The following ARPP21 variants were observed in gnomAD, a reference collection of about 807,000 sequenced individuals.
ARPP21 encodes the protein cAMP-regulated phosphoprotein 21.
In ARPP21, 69 loss-of-function variants were observed where a neutral mutation model predicts 113.2. The observed-to-expected ratio is 0.61, with a 90% CI of 0.50 to 0.74. The LOEUF (loss-of-function observed/expected upper bound fraction) is 0.74. Ranked by LOEUF, ARPP21 falls within the 30% of genes least tolerant of loss-of-function variation. The pLI is 0.00. For synonymous variants in ARPP21, 368 were observed against 375.5 expected (o/e 0.98, Z 0.23); for missense variants, 1,070 against 1,037.4 (o/e 1.03, Z -0.43).
chr3:35,780,784 G>A (rs945644341), intron 19 of ARPP21, among the ~76,000 whole-genome samples: 12 of 152,176 alleles, frequency 7.9e-5, no homozygotes, highest in Middle Eastern at 3.4e-3. Flanking sequence ...TTAGCAATTC[G>A]TATTTTAATA....
intron 5 of ARPP21, chr3:35,685,526 A>C (rs943887349): frequency 2.2e-5 from 22 of 985,266 alleles, no homozygotes; most frequent in Non-Finnish European, 2.5e-5. Context: ...AAATGTGCGG[A>C]CTGAATCCCA....
rs773435015 is a variant in ARPP21, at chr3:35,739,412, C to T, written c.1845C>T (p.Ser615=). ...PEPPSGPVYP[S]SLMPQPAQQP... ...CCCCATCAGGTCCTGTCTACCCATC[C>T]TCCCTTATGCCACAGCCGGCCCAGC... Residue 615 remains serine, a synonymous_variant, in exon 18 of 21, where the codon TCC becomes TCT. Coordinates refer to ENST00000684406, the MANE Select transcript of ARPP21 (RefSeq NM_001385562.1). 4 of 1,614,158 alleles carry T rather than the reference C, an allele frequency of 2.5e-6. No homozygotes were observed. The African/African-American group carries it at 5.3e-5, about 22-fold the overall frequency.
At position 35,717,335 on chromosome 3, in the gene ARPP21, T is replaced by A; in HGVS notation, c.973T>A (p.Tyr325Asn). 6.2e-7 allele frequency: 1 copy of A among 1,607,000 alleles called. No homozygotes were observed. The highest frequency in any genetic ancestry group is 8.5e-7 in the Non-Finnish European group (1 of 1,173,854). ...AGACAGTAACATATGCAATGAGACC[T>A]ATAAGAAAAGACAGCTCTTTCGGTT... is the stretch of plus-strand genomic sequence containing the variant. ...LEDSNICNETYKKRQLFRGNR... is the reference protein window; with the variant it reads ...LEDSNICNETNKKRQLFRGNR... The change falls in exon 13 of 21, where the codon TAT (tyrosine) becomes AAT (asparagine). Residue 325 changes from tyrosine (Y) to asparagine (N), a missense_variant. Transcript: ENST00000684406.
chr3:35,672,246 A>C (rs988041313), intron 1 of ARPP21, among the ~76,000 whole-genome samples: 3 of 151,526 alleles, frequency 2.0e-5, no homozygotes, highest in Non-Finnish European at 4.4e-5. Flanking sequence ...TATCCTATCC[A>C]GAAGGCCACA....
chr3:35,671,938 T>A (rs2076434961), intron 1 of ARPP21, among the ~76,000 whole-genome samples: 1 of 152,064 alleles, frequency 6.6e-6, no homozygotes. Flanking sequence ...CTCAACCACA[T>A]GTGCATCATC....
At chr3:35,732,983 A>G (rs557932955) in intron 15 of ARPP21, among the ~76,000 whole-genome samples, 1 of 152,142 alleles carries the variant, frequency 6.6e-6, no homozygotes, top group African/African-American at 2.4e-5. Flanking sequence ...TAGCTCCCTT[A>G]TAATTTAACT....
chr3:35,734,388 G>T (rs1437092345), intron 15 of ARPP21, among the ~76,000 whole-genome samples: 1 of 152,096 alleles, frequency 6.6e-6, no homozygotes, highest in Non-Finnish European at 1.5e-5. Flanking sequence ...TTTTCAAAAA[G>T]AATATTCATT....
intron 14 of ARPP21, among the ~76,000 whole-genome samples, chr3:35,722,762 C>T (rs973677537): frequency 3.9e-5 from 6 of 152,196 alleles, no homozygotes; most frequent in Non-Finnish European, 5.9e-5. Flanking sequence ...TGGAAGCATA[C>T]ACCACGATGC....
At chr3:35,729,639 A>G (rs2093802032) in intron 15 of ARPP21, 103 bp downstream of exon 15, 1 of 1,027,568 alleles carries the variant, frequency 9.7e-7, no homozygotes, top group African/African-American at 1.6e-5. Flanking sequence ...ATTCCTGAAC[A>G]GGAAAGCTAG....
chr3:35,675,177 C>T (rs1177324763), intron 1 of ARPP21, among the ~76,000 whole-genome samples: 3 of 143,814 alleles, frequency 2.1e-5, no homozygotes, highest in Non-Finnish European at 3.0e-5. Context: ...TTGCATCATG[C>T]TGGAGGTTGA....
intron 1 of ARPP21, among the ~76,000 whole-genome samples, chr3:35,643,228 G>A (rs1017092352): frequency 2.6e-5 from 4 of 152,162 alleles, no homozygotes; most frequent in East Asian, 1.9e-4. Flanking sequence ...ATAAACATAA[G>A]AGAAAGTAAG....
intron 19 of ARPP21, among the ~76,000 whole-genome samples, chr3:35,790,944 A>G (rs944016518): frequency 1.3e-5 from 2 of 152,178 alleles, no homozygotes; most frequent in South Asian, 2.1e-4. Context: ...CCACTTGCCA[A>G]TTGTAGGCAT....
At chr3:35,778,124 G>A (rs1016052232) in intron 19 of ARPP21, among the ~76,000 whole-genome samples, 2 of 152,160 alleles carry the variant, frequency 1.3e-5, no homozygotes, top group Admixed American at 6.5e-5. Flanking sequence ...CACTAAAAGC[G>A]TTGTTCATCT....
chr3:35,660,075 A>G (rs948055887), intron 1 of ARPP21, among the ~76,000 whole-genome samples: 10 of 152,208 alleles, frequency 6.6e-5, no homozygotes, highest in African/African-American at 2.4e-4. Context: ...CCTTCCTGGC[A>G]TCCTTCTCAG....
chr3:35,715,419 GC>G lies in ARPP21; in HGVS notation c.898-18del, dbSNP rs1229980617. On this transcript the variant is annotated intron_variant, in intron 11 of 20. Transcript: ENST00000684406. ...GCATATCCAGAACTTCTGATCCAAT[GC>G]CTTTTTTTTATTTTTCAGTCAGTTT... The G allele has an allele frequency of 1.2e-6, 2 of 1,610,684 alleles. No homozygotes were observed. The highest frequency in any genetic ancestry group is 3.3e-5 in the Admixed American group (2 of 59,912).
At chr3:35,790,863 G>T (rs913541366) in intron 19 of ARPP21, among the ~76,000 whole-genome samples, 4 of 152,140 alleles carry the variant, frequency 2.6e-5, no homozygotes, top group African/African-American at 9.7e-5. Context: ...ATAATTTAGG[G>T]TAATAAGAAT....
intron 5 of ARPP21, among the ~76,000 whole-genome samples, chr3:35,686,437 C>T (rs749613545): frequency 6.6e-6 from 1 of 151,648 alleles, no homozygotes. Context: ...TTTATTTCAT[C>T]ATTTATATTG....
intron 1 of ARPP21, among the ~76,000 whole-genome samples, chr3:35,643,344 C>A (rs941442751): frequency 1.3e-5 from 2 of 151,992 alleles, no homozygotes; most frequent in African/African-American, 4.8e-5. Context: ...GAAAAATAAT[C>A]CCCAGAAATA....
intron 19 of ARPP21, among the ~76,000 whole-genome samples, chr3:35,783,234 C>A (rs1266808809): frequency 6.6e-6 from 1 of 152,092 alleles, no homozygotes; most frequent in Non-Finnish European, 1.5e-5. Flanking sequence ...GTCTTTAGAG[C>A]AACTATGTCC....
Sources: gnomAD v4.1 joint callset for allele counts (sites outside exome capture counted in the v4.1 genomes callset) on GRCh38, gnomAD v4.1.1 for gene constraint, MANE v1.5 for transcripts, NCBI Gene and HGNC (gene_info 2026-07-23, HGNC 2026-07-21) for gene names.